TMEM192: variants seen among roughly 807,000 people sequenced by gnomAD.
TMEM192 encodes the protein transmembrane protein 192.
TMEM192 carries 20 observed loss-of-function variants against 26.7 expected under a neutral mutation model. The observed-to-expected ratio is 0.75, with a 90% CI of 0.53 to 1.09. TMEM192 has a LOEUF of 1.09. Ranked by LOEUF, TMEM192 falls within the 50% of genes least tolerant of loss-of-function variation. The probability of loss-of-function intolerance (pLI) is 0.00; values close to 1 mark genes in which losing one functional copy is unlikely to be tolerated. For synonymous variants in TMEM192, 124 were observed against 121.0 expected, an observed-to-expected ratio of 1.02 and a Z score of -0.16; for missense variants, 304 against 322.6, an observed-to-expected ratio of 0.94 and a Z score of 0.44.
At chr4:165,107,022 CTCTT>C (rs1735177031) in intron 1 of TMEM192, among the ~76,000 whole-genome samples, 1 of 151,624 alleles carries the variant, frequency 6.6e-6, no homozygotes, top group Non-Finnish European at 1.5e-5. Context: ...TTTTTTTTCT[CTCTT>C]TTTTTTTTCT....
chr4:165,084,223 G>A (rs1050741265), intron 5 of TMEM192, among the ~76,000 whole-genome samples: 1 of 150,956 alleles, frequency 6.6e-6, no homozygotes, highest in Non-Finnish European at 1.5e-5. Flanking sequence ...GTTTGAGATG[G>A]AGTCTCGCTC....
At chr4:165,089,813 C>G (rs555436511) in intron 3 of TMEM192, among the ~76,000 whole-genome samples, 1 of 152,168 alleles carries the variant, frequency 6.6e-6, no homozygotes, top group East Asian at 1.9e-4. Context: ...GTTTGGAGTA[C>G]TCAGCATGCC....
At chr4:165,101,982 C>T (rs1735049037) in intron 2 of TMEM192, among the ~76,000 whole-genome samples, 1 of 152,160 alleles carries the variant, frequency 6.6e-6, no homozygotes, top group Non-Finnish European at 1.5e-5. Context: ...TGAGAATGAG[C>T]CCTCTTGATT....
intron 2 of TMEM192, among the ~76,000 whole-genome samples, 185 bp from the exon 3 acceptor site, chr4:165,101,077 C>T (rs1290133766): frequency 1.4e-5 from 2 of 147,582 alleles, no homozygotes; most frequent in South Asian, 2.2e-4. Context: ...CCCGGGTTCA[C>T]GCCATTCTCC....
intron 3 of TMEM192, among the ~76,000 whole-genome samples, chr4:165,088,875 T>TA (rs897703051): frequency 3.3e-5 from 5 of 150,714 alleles, no homozygotes; most frequent in South Asian, 2.1e-4. Flanking sequence ...CCCATCTCTA[T>TA]AAAAAAATAT....
At chr4:165,091,308 T>C (rs560578058) in intron 3 of TMEM192, among the ~76,000 whole-genome samples, 6 of 152,236 alleles carry the variant, frequency 3.9e-5, no homozygotes, top group South Asian at 2.1e-4. Flanking sequence ...GGTCTTTCAA[T>C]TGACATCTGA....
chr4:165,112,725 C>G (rs770225773), intron 1 of TMEM192, 22 bp downstream of exon 1: 50 of 1,608,898 alleles, frequency 3.1e-5, no homozygotes, highest in Non-Finnish European at 4.2e-5. Flanking sequence ...GGGCCAACCG[C>G]CCGCCGCCTC....
At chr4:165,086,669 C>A (rs1306513347) in intron 4 of TMEM192, among the ~76,000 whole-genome samples, 2 of 152,000 alleles carry the variant, frequency 1.3e-5, no homozygotes, top group Admixed American at 1.3e-4. Context: ...AAGTGATCCA[C>A]CCGCTGAGGC....
chr4:165,100,968 ATTCT>A, intron 2 of TMEM192, 76 bp from the exon 3 acceptor site: 2 of 1,058,798 alleles, frequency 1.9e-6, no homozygotes, highest in African/African-American at 1.8e-5. Flanking sequence ...CCCAGCATAC[ATTCT>A]TTTTTTTTTT....
At chr4:165,086,975 G>A (rs1734632479) in intron 4 of TMEM192, among the ~76,000 whole-genome samples, 1 of 152,074 alleles carries the variant, frequency 6.6e-6, no homozygotes, top group Non-Finnish European at 1.5e-5. Flanking sequence ...TTAGCTGGGT[G>A]TGGTGGTAGG....
chr4:165,092,788 C>CA (rs1319677107), intron 3 of TMEM192, among the ~76,000 whole-genome samples: 1 of 152,056 alleles, frequency 6.6e-6, no homozygotes, highest in East Asian at 1.9e-4. Context: ...AAACTAACTA[C>CA]ACAAGCCTAG....
At chr4:165,085,715 C>T (rs373469548) in intron 4 of TMEM192, 27 bp from the exon 5 acceptor site, 9 of 1,470,740 alleles carry the variant, frequency 6.1e-6, no homozygotes, top group African/African-American at 2.8e-5. Flanking sequence ...ATTATTAGAT[C>T]GAATTCTGAA....
chr4:165,095,975 TTAGTACA>T (rs1734888623), intron 3 of TMEM192, among the ~76,000 whole-genome samples: 1 of 150,616 alleles, frequency 6.6e-6, no homozygotes, highest in Admixed American at 6.6e-5. Flanking sequence ...TTTTGTATTT[TTAGTACA>T]GACAGGGTTT....
intron 3 of TMEM192, among the ~76,000 whole-genome samples, chr4:165,090,526 G>T (rs941786784): frequency 6.6e-6 from 1 of 152,122 alleles, no homozygotes; most frequent in Non-Finnish European, 1.5e-5. Context: ...TCATCTGGCT[G>T]TTCATCTATC....
chr4:165,104,721 G>C (rs1477973199), intron 1 of TMEM192, among the ~76,000 whole-genome samples: 1 of 151,990 alleles, frequency 6.6e-6, no homozygotes, highest in Non-Finnish European at 1.5e-5. Context: ...AGTAGAGATG[G>C]GGTTTCGCCA....
intron 4 of TMEM192, 139 bp downstream of exon 4, chr4:165,088,329 T>G: frequency 1.5e-6 from 1 of 683,688 alleles, no homozygotes; most frequent in African/African-American, 1.8e-5. Context: ...TCCTGTTGGT[T>G]TGAAATTAAA....
At chr4:165,095,444 C>T (rs972541009) in intron 3 of TMEM192, among the ~76,000 whole-genome samples, 3 of 152,258 alleles carry the variant, frequency 2.0e-5, no homozygotes, top group Middle Eastern at 6.8e-3. Context: ...GCAGGCATTT[C>T]TACAAGTCAA....
chr4:165,093,330 C>A (rs887342560), intron 3 of TMEM192, among the ~76,000 whole-genome samples: 7 of 151,662 alleles, frequency 4.6e-5, no homozygotes, highest in African/African-American at 1.7e-4. Flanking sequence ...CTCCTGACCT[C>A]GTGATTCACC....
At chr4:165,112,174 A>C (rs1735307569) in intron 1 of TMEM192, among the ~76,000 whole-genome samples, 1 of 152,232 alleles carries the variant, frequency 6.6e-6, no homozygotes, top group Admixed American at 6.5e-5. Flanking sequence ...TCAAAACAAC[A>C]CATGACACTT....
Sources: gnomAD v4.1 joint callset for allele counts (sites outside exome capture counted in the v4.1 genomes callset) on GRCh38, gnomAD v4.1.1 for gene constraint, MANE v1.5 for transcripts, NCBI Gene and HGNC (gene_info 2026-07-23, HGNC 2026-07-21) for gene names.